ESYT2: variants seen among roughly 807,000 people sequenced by gnomAD.
ESYT2 encodes the protein extended synaptotagmin-2.
In ESYT2, 54 loss-of-function variants were observed where a neutral mutation model predicts 107.2. The ratio of observed to expected loss-of-function variants is 0.50; its 90% CI spans 0.40 to 0.63. The LOEUF is 0.63. ESYT2 is among the 30% of genes least tolerant of loss of function. ESYT2 has a pLI of 0.00. For synonymous variants in ESYT2, 491 were observed against 434.1 expected (o/e 1.13, Z -1.63); for missense variants, 1,020 against 1,094.5 (o/e 0.93, Z 0.96).
chr7:158,793,546 C>A (rs1339294416), intron 4 of ESYT2, 104 bp downstream of exon 4: 3 of 784,906 alleles, frequency 3.8e-6, no homozygotes, highest in Non-Finnish European at 6.3e-6. Context: ...TTCCAATCAA[C>A]AGCAGGTAAG....
chr7:158,822,366 A>G (rs1040393889), intron 1 of ESYT2, among the ~76,000 whole-genome samples: 21 of 152,250 alleles, frequency 1.4e-4, no homozygotes, highest in Non-Finnish European at 2.9e-4. Flanking sequence ...ACTCACGGAA[A>G]AACAGATTTC....
At chr7:158,785,193 TG>T in intron 6 of ESYT2, among the ~76,000 whole-genome samples, 1 of 152,206 alleles carries the variant, frequency 6.6e-6, no homozygotes, top group South Asian at 2.1e-4. Flanking sequence ...GAGGCCAAGG[TG>T]GGTGGATCAC....
At chr7:158,773,542 C>T in intron 6 of ESYT2, 146 bp from the exon 7 acceptor site, 1 of 674,126 alleles carries the variant, frequency 1.5e-6, no homozygotes, top group Non-Finnish European at 2.4e-6. Flanking sequence ...ATACCAAGGA[C>T]ATTTTTCTTT....
rs1471380840 is a variant in ESYT2, at chr7:158,804,657, A to G, written c.331-5585T>C. On this transcript the variant is annotated intron_variant, in intron 1 of 22. Transcript: ENST00000275418. ...GTGACAAACCCAAAGTGCTGAGAAA[A>G]GTGAGGCACGTGACAAACCCAAACT... Among the ~76,000 whole-genome samples the G allele has an allele frequency of 7.9e-5, 10 of 125,824 alleles. No individual in the cohort carries two copies. The South Asian group carries it at 8.5e-4, about 11-fold the overall frequency. The allele number at this position is 125,824 out of a possible 152,430, so 82.5% of individuals were successfully genotyped here.
Position 158,731,103 on chromosome 7 carries a change from T to C in ESYT2, c.*3104A>G, listed in dbSNP as rs773548930. ...TTTAACCCCCATCCCCCACCGCTGT[T>C]CTCTATTTGCAGTGGGGGGTCCAGC... On this transcript the variant is annotated 3_prime_UTR_variant, in exon 23 of 23. Transcript: ENST00000275418. The C allele has an allele frequency of 6.6e-6, 1 of 151,842 alleles. No individual in the cohort carries two copies. The highest frequency in any genetic ancestry group is 1.5e-5 in the Non-Finnish European group (1 of 68,024). 9.4% of individuals were successfully genotyped at this position (151,842 alleles called of 1,614,324 possible).
At chr7:158,781,249 A>G (rs1401750790) in intron 6 of ESYT2, among the ~76,000 whole-genome samples, 1 of 151,924 alleles carries the variant, frequency 6.6e-6, no homozygotes, top group Non-Finnish European at 1.5e-5. Flanking sequence ...ATGAGTGAGA[A>G]CCAGTGTGAG....
chr7:158,754,217 T>C (rs1180676196), intron 13 of ESYT2, among the ~76,000 whole-genome samples: 2 of 152,118 alleles, frequency 1.3e-5, no homozygotes, highest in Non-Finnish European at 2.9e-5. Flanking sequence ...ATTTATTATT[T>C]ATATTTTTGA....
intron 7 of ESYT2, among the ~76,000 whole-genome samples, chr7:158,768,998 T>G (rs887638925): frequency 8.5e-5 from 13 of 152,360 alleles, no homozygotes; most frequent in Middle Eastern, 3.4e-3. Context: ...CACCTTTACC[T>G]GAATTGTGAA....
intron 15 of ESYT2, among the ~76,000 whole-genome samples, chr7:158,748,864 C>T (rs1009706892): frequency 6.6e-6 from 1 of 151,840 alleles, no homozygotes; most frequent in Non-Finnish European, 1.5e-5. Flanking sequence ...GGATTACAGG[C>T]ACGTGCCACC....
intron 9 of ESYT2, among the ~76,000 whole-genome samples, chr7:158,763,559 C>T (rs1288740137): frequency 3.9e-5 from 6 of 152,070 alleles, no homozygotes; most frequent in African/African-American, 1.2e-4. Context: ...CCTCCCAAAG[C>T]GTTGGGATTA....
rs770587350 is a variant in ESYT2, at chr7:158,829,093, G to T, written c.326C>A (p.Ala109Asp). Residue 109 changes from alanine to aspartate, a missense_variant, in exon 1 of 23, where the codon GCC (alanine) becomes GAC (aspartate). Transcript: ENST00000275418. ...RLGVRACDLP[A>D]WVHFPDTERA... ...CGGGCAGGGGTCTGCACTCACCCAG[G>T]CGGGCAGGTCGCAGGCGCGCACCCC... is the stretch of plus-strand genomic sequence containing the variant. The T allele has an allele frequency of 6.9e-6, 11 of 1,584,580 alleles. No individual in the cohort carries two copies. The South Asian group carries it at 7.8e-5, about 11-fold the overall frequency.
chr7:158,805,781 T>G (rs954054219), intron 1 of ESYT2, among the ~76,000 whole-genome samples: 1 of 152,246 alleles, frequency 6.6e-6, no homozygotes, highest in African/African-American at 2.4e-5. Flanking sequence ...GAAATTTCAC[T>G]AGGAAATCCG....
intron 1 of ESYT2, among the ~76,000 whole-genome samples, chr7:158,822,545 T>G (rs910635312): frequency 5.3e-5 from 8 of 152,162 alleles, no homozygotes; most frequent in African/African-American, 1.9e-4. Context: ...GGAGGATCAC[T>G]TGAGCCCAGG....
chr7:158,786,451 T>C (rs1839119559), intron 6 of ESYT2, among the ~76,000 whole-genome samples: 1 of 152,210 alleles, frequency 6.6e-6, no homozygotes, highest in Admixed American at 6.5e-5. Context: ...TTTTAAATCT[T>C]ATGAATCTCT....
chr7:158,736,784 A>G (rs1316721632), intron 20 of ESYT2, among the ~76,000 whole-genome samples: 1 of 152,240 alleles, frequency 6.6e-6, no homozygotes, highest in Non-Finnish European at 1.5e-5. Flanking sequence ...TGAGTTCTTC[A>G]GGGCCATCAG....
At chr7:158,812,644 G>C (rs752549196) in intron 1 of ESYT2, among the ~76,000 whole-genome samples, 2 of 152,144 alleles carry the variant, frequency 1.3e-5, no homozygotes, top group Non-Finnish European at 2.9e-5. Context: ...ACGTGTACAT[G>C]AATGTTCATC....
intron 9 of ESYT2, among the ~76,000 whole-genome samples, chr7:158,764,269 C>T (rs560517803): frequency 1.1e-4 from 16 of 152,102 alleles, no homozygotes; most frequent in Non-Finnish European, 2.2e-4. Context: ...TTAAAAATCA[C>T]GTAGATCTCT....
intron 6 of ESYT2, among the ~76,000 whole-genome samples, chr7:158,774,312 AT>A (rs1838474973): frequency 6.6e-6 from 1 of 152,196 alleles, no homozygotes; most frequent in Admixed American, 6.5e-5. Context: ...ACAAAAAACA[AT>A]TTTTAAGATC....
intron 10 of ESYT2, 131 bp downstream of exon 10, chr7:158,762,951 AT>A (rs1838024388): frequency 3.6e-6 from 2 of 556,274 alleles, no homozygotes; most frequent in African/African-American, 3.8e-5. Context: ...AGGTGAAACA[AT>A]TGTTATATCT....
Sources: gnomAD v4.1 joint callset for allele counts (sites outside exome capture counted in the v4.1 genomes callset) on GRCh38, gnomAD v4.1.1 for gene constraint, MANE v1.5 for transcripts, NCBI Gene and HGNC (gene_info 2026-07-23, HGNC 2026-07-21) for gene names.